The following PAX7 variants were observed in gnomAD, a reference collection of about 807,000 sequenced individuals.
PAX7 encodes paired box 7, also known as paired box protein Pax-7.
PAX7 carries 18 observed loss-of-function variants against 50.7 expected under a neutral mutation model. The ratio of observed to expected loss-of-function variants is 0.36; its 90% CI spans 0.25 to 0.53. The LOEUF is 0.53. Among genes scored for constraint, PAX7 ranks in the 20% least tolerant of loss-of-function variants. The pLI is 0.93. For synonymous variants in PAX7, 310 were observed against 290.4 expected, an observed-to-expected ratio of 1.07 and a Z score of -0.69; for missense variants, 644 against 702.9, an observed-to-expected ratio of 0.92 and a Z score of 0.95.
At chr1:18,719,293 C>G (rs564522467) in intron 7 of PAX7, among the ~76,000 whole-genome samples, 1 of 152,180 alleles carries the variant, frequency 6.6e-6, no homozygotes, top group East Asian at 1.9e-4. Context: ...AGAGGTAACC[C>G]GTGTGGGCGA....
intron 8 of PAX7, among the ~76,000 whole-genome samples, chr1:18,741,486 T>A (rs541816400): frequency 5.6e-5 from 7 of 125,748 alleles, no homozygotes; most frequent in African/African-American, 2.2e-4. Flanking sequence ...AAAGAAAAGA[T>A]AAGATAAATC....
intron 7 of PAX7, among the ~76,000 whole-genome samples, chr1:18,725,652 A>G (rs2089555575): frequency 6.6e-6 from 1 of 152,198 alleles, no homozygotes. Context: ...AATTTATGCA[A>G]TCATTATCTT....
chr1:18,634,209 AC>A lies in PAX7; in HGVS notation c.86-93del. 1 of 1,031,262 alleles carries A rather than the reference AC, an allele frequency of 9.7e-7. No homozygotes were observed. 63.9% of individuals were successfully genotyped at this position (1,031,262 alleles called of 1,614,324 possible). A position where few individuals can be genotyped will look rare whatever the true frequency, so the allele number is the denominator to read the frequency against. ...TGCTGTCTGAGGTCTTGGGGCTCAA[AC>A]AAACAAAACTGGAGTCAGGGAGTGT... On this transcript the variant is annotated intron_variant, in intron 1 of 8. Transcript: ENST00000420770. The surrounding 1 kb of genome is among the most constrained non-coding windows in gnomAD (Gnocchi z 4.0).
At chr1:18,645,030 T>C (rs1223821793) in intron 4 of PAX7, among the ~76,000 whole-genome samples, 1 of 152,156 alleles carries the variant, frequency 6.6e-6, no homozygotes, top group Admixed American at 6.5e-5. Flanking sequence ...AATAAACAGA[T>C]GTGTCTCGTT....
intron 3 of PAX7, among the ~76,000 whole-genome samples, chr1:18,635,529 A>AAGGAAGGAAGGAAAGAAG (rs1553133206): frequency 1.2e-4 from 6 of 49,144 alleles, no homozygotes; most frequent in South Asian, 4.1e-4. Context: ...AAGGAAGGAA[A>AAGGAAGGAAGGAAAGAAG]GAAGGAAGGA....
intron 4 of PAX7, among the ~76,000 whole-genome samples, chr1:18,675,981 G>A (rs530968485): frequency 7.2e-5 from 11 of 152,150 alleles, no homozygotes; most frequent in Non-Finnish European, 1.3e-4. Flanking sequence ...GCCGGGGTCC[G>A]CTCAGGACCA....
chr1:18,741,078 A>G (rs1484201855), intron 8 of PAX7, among the ~76,000 whole-genome samples: 1 of 152,228 alleles, frequency 6.6e-6, no homozygotes, highest in African/African-American at 2.4e-5. Context: ...TGATAACAGA[A>G]TAGGGTGACT....
At position 18,735,912 on chromosome 1, in the gene PAX7, C is replaced by T. The variant is rs1463988529; in HGVS notation, c.1402+34C>T. The T allele has an allele frequency of 6.2e-7, 1 of 1,613,884 alleles. No homozygotes were observed. Among genetic ancestry groups the T allele is most frequent in the African/African-American group, 1.3e-5 (1 of 74,916 alleles). On this transcript the variant is annotated intron_variant, in intron 8 of 8. Coordinates refer to ENST00000420770, the MANE Select transcript of PAX7 (RefSeq NM_001135254.2). This position sits in a 1 kb window ranked among gnomAD's most constrained non-coding sequence, Gnocchi z 4.0. ...CTGGTGCCCTGGGCGTCCCCCGTCC[C>T]CATTCCTTCTCCCACCCCCAGGGCC...
chr1:18,631,873 C>T (rs777087883), intron 1 of PAX7, among the ~76,000 whole-genome samples, 185 bp downstream of exon 1: 1 of 152,184 alleles, frequency 6.6e-6, no homozygotes, highest in Non-Finnish European at 1.5e-5. Flanking sequence ...TCCGCTTCTG[C>T]GTGGGTTTCA....
intron 7 of PAX7, among the ~76,000 whole-genome samples, chr1:18,720,032 G>A (rs965363757): frequency 6.6e-6 from 1 of 152,286 alleles, no homozygotes. Context: ...CACAATGTTG[G>A]AACCAAAACC....
chr1:18,716,762 CT>C (rs2089429006), intron 7 of PAX7, among the ~76,000 whole-genome samples: 1 of 151,958 alleles, frequency 6.6e-6, no homozygotes, highest in Non-Finnish European at 1.5e-5. Flanking sequence ...TCTCTTCCCC[CT>C]AATCTCTCTC....
At chr1:18,711,556 G>A (rs776380441) in intron 7 of PAX7, among the ~76,000 whole-genome samples, 7 of 152,152 alleles carry the variant, frequency 4.6e-5, no homozygotes, top group Non-Finnish European at 7.3e-5. Flanking sequence ...GGAGGAGAAG[G>A]TGCCAGGTGC....
chr1:18,732,774 A>G (rs6659242), intron 7 of PAX7, among the ~76,000 whole-genome samples: 8,754 of 152,172 alleles, frequency 0.058, 332 homozygotes, highest in African/African-American at 0.11. Flanking sequence ...GACTACACAT[A>G]GCTCTCAGCC....
At chr1:18,738,300 TAA>T (rs1930914305) in intron 8 of PAX7, among the ~76,000 whole-genome samples, 2 of 152,160 alleles carry the variant, frequency 1.3e-5, no homozygotes, top group African/African-American at 4.8e-5. Context: ...ATGCTCTTGA[TAA>T]ATATTTTAGA....
At chr1:18,646,224 A>G (rs1345142638) in intron 4 of PAX7, among the ~76,000 whole-genome samples, 1 of 152,178 alleles carries the variant, frequency 6.6e-6, no homozygotes, top group Non-Finnish European at 1.5e-5. Flanking sequence ...AGGCCTTGGA[A>G]CTTTCTTTAA....
At chr1:18,684,789 A>C (rs2100277808) in intron 4 of PAX7, among the ~76,000 whole-genome samples, 1 of 152,258 alleles carries the variant, frequency 6.6e-6, no homozygotes, top group Non-Finnish European at 1.5e-5. Flanking sequence ...CTGTAAGAAA[A>C]GCTGGGTTGG....
intron 4 of PAX7, among the ~76,000 whole-genome samples, chr1:18,648,709 G>C (rs900414926): frequency 1.3e-5 from 2 of 152,108 alleles, no homozygotes; most frequent in East Asian, 3.9e-4. Context: ...CCCCACTGCC[G>C]GTCCAGACTC....
Position 18,747,851 on chromosome 1 carries a change from T to C in PAX7, c.*2922T>C, listed in dbSNP as rs1037272730. On this transcript the variant is annotated 3_prime_UTR_variant, in exon 9 of 9. Transcript: ENST00000420770. ...GGAAAGAAATCCCCCACAGTGTGTGTCGTGCTAGTGCCAGAGACCATCTGT... is the reference window on the plus strand; with the variant it reads ...GGAAAGAAATCCCCCACAGTGTGTGCCGTGCTAGTGCCAGAGACCATCTGT... The C allele has an allele frequency of 5.2e-6, 1 of 191,114 alleles. No homozygotes were observed. The highest frequency in any genetic ancestry group is 2.3e-5 in the African/African-American group (1 of 42,938). The allele number at this position is 191,114 out of a possible 1,614,324, so 11.8% of individuals were successfully genotyped here.
intron 4 of PAX7, among the ~76,000 whole-genome samples, chr1:18,649,366 G>C (rs1027697748): frequency 5.9e-5 from 9 of 152,182 alleles, no homozygotes; most frequent in African/African-American, 1.2e-4. Flanking sequence ...GATTCACAGA[G>C]GGGGAGACTG....
Sources: gnomAD v4.1 joint callset for allele counts (sites outside exome capture counted in the v4.1 genomes callset) on GRCh38, gnomAD v4.1.1 for gene constraint, Gnocchi (gnomAD v3.1) non-coding constraint, MANE v1.5 for transcripts, NCBI Gene and HGNC (gene_info 2026-07-23, HGNC 2026-07-21) for gene names.